The following STOX2 variants were observed in gnomAD, a reference collection of about 807,000 sequenced individuals.
The protein encoded by STOX2 is storkhead box 2, also known as storkhead-box protein 2.
Under a neutral mutation model 60.9 loss-of-function variants are expected in STOX2, and 28 were observed. That is an observed-to-expected ratio of 0.46 (90% CI 0.34 to 0.63). STOX2 has a LOEUF of 0.63. Ranked by LOEUF, STOX2 falls within the 30% of genes least tolerant of loss-of-function variation. The pLI is 0.01. For missense variants in STOX2, 1,024 were observed against 1,187.7 expected, an observed-to-expected ratio of 0.86 and a Z score of 2.03; for synonymous variants, 472 against 463.9, an observed-to-expected ratio of 1.02 and a Z score of -0.22.
chr4:183,902,918 G>C (rs1741493574), upstream of STOX2, among the ~76,000 whole-genome samples: 1 of 152,156 alleles, frequency 6.6e-6, no homozygotes, highest in African/African-American at 2.4e-5. Flanking sequence ...TGCAAGGTCT[G>C]CATTTGGAGG....
At chr4:183,900,491 G>T (rs551853367), upstream of STOX2, among the ~76,000 whole-genome samples, 30 of 152,248 alleles carry the variant, frequency 2.0e-4, no homozygotes, top group African/African-American at 7.2e-4. Flanking sequence ...ATTAACAGGA[G>T]TTTGGAAGAA....
chr4:183,873,695 A>G (rs1039341352), intron 1 of STOX2, among the ~76,000 whole-genome samples: 2 of 152,232 alleles, frequency 1.3e-5, no homozygotes, highest in African/African-American at 4.8e-5. Context: ...GCACATGAAC[A>G]TGCTTTGAGT....
intron 1 of STOX2, among the ~76,000 whole-genome samples, chr4:183,942,805 A>AT (rs1742788064): frequency 6.6e-6 from 1 of 152,070 alleles, no homozygotes; most frequent in Non-Finnish European, 1.5e-5. Flanking sequence ...TTAAAAAAAA[A>AT]CTTTTTTAAT....
intron 1 of STOX2, among the ~76,000 whole-genome samples, chr4:183,968,343 T>TACACACACACACACAC (rs60432446): frequency 5.5e-4 from 80 of 145,508 alleles, no homozygotes; most frequent in African/African-American, 1.9e-3. Context: ...TGCATATACC[T>TACACACACACACACAC]ACACACACAC....
intron 1 of STOX2, among the ~76,000 whole-genome samples, chr4:183,952,728 G>A (rs2111148804): frequency 6.6e-6 from 1 of 152,318 alleles, no homozygotes; most frequent in African/African-American, 2.4e-5. Context: ...TTTGGGAAAT[G>A]CTGAATTAAA....
chr4:183,937,897 T>G (rs1442962719), intron 1 of STOX2, among the ~76,000 whole-genome samples: 1 of 152,224 alleles, frequency 6.6e-6, no homozygotes, highest in Non-Finnish European at 1.5e-5. Context: ...CTGTAAATCC[T>G]AGTACTTTTG....
intron 1 of STOX2, among the ~76,000 whole-genome samples, chr4:183,799,574 A>AC (rs1738713259): frequency 6.6e-6 from 1 of 151,902 alleles, no homozygotes; most frequent in African/African-American, 2.4e-5. Flanking sequence ...ATTATATTGA[A>AC]CCCCCACCGT....
At chr4:183,840,348 A>C (rs563242000) in intron 1 of STOX2, among the ~76,000 whole-genome samples, 1 of 152,184 alleles carries the variant, frequency 6.6e-6, no homozygotes. Context: ...TCCATGTAAC[A>C]GTCAATTCCT....
intron 1 of STOX2, among the ~76,000 whole-genome samples, chr4:183,849,616 G>A (rs1254385500): frequency 6.6e-6 from 1 of 152,210 alleles, no homozygotes; most frequent in East Asian, 1.9e-4. Flanking sequence ...AGTACATAGG[G>A]CATCTAGGGA....
intron 1 of STOX2, among the ~76,000 whole-genome samples, chr4:183,938,861 G>A (rs914646256): frequency 1.3e-5 from 2 of 151,900 alleles, no homozygotes; most frequent in Non-Finnish European, 2.9e-5. Flanking sequence ...TGTAGCATCC[G>A]TTGCTACATT....
At position 183,961,356 on chromosome 4, in the gene STOX2, T is replaced by TTGCTGCTGCTGCTGCTGCTGCTGC. The variant is rs755147300; in HGVS notation, c.167-39962_167-39939dup. The stretch of plus-strand genomic sequence containing the variant: ...AAACACATCGAACGACAAGTGATGG[T>TTGCTGCTGCTGCTGCTGCTGCTGC]TGCTGCTGCTGCTGCTGCTGCTGCT... On this transcript the variant is annotated intron_variant, in intron 1 of 3. Coordinates refer to ENST00000308497, the MANE Select transcript of STOX2 (RefSeq NM_020225.3). 1.9e-3 allele frequency among the ~76,000 whole-genome samples: 284 copies of TTGCTGCTGCTGCTGCTGCTGCTGC among 151,708 alleles called. 1 individual carries two copies. Among genetic ancestry groups the TTGCTGCTGCTGCTGCTGCTGCTGC allele is most frequent in the African/African-American group, 6.3e-3 (262 of 41,312 alleles).
chr4:184,008,154 G>A lies in STOX2; in HGVS notation c.320-1004G>A, dbSNP rs75214824. Among the ~76,000 whole-genome samples, 1,374 of 152,280 alleles carry A rather than the reference G, an allele frequency of 9.0e-3. 5 individuals are homozygous for A. Among genetic ancestry groups the A allele is most frequent in the Non-Finnish European group, 0.013 (870 of 68,022 alleles). ...CAGTTTCACATGACTCAAGCTGACC[G>A]ATTTCAGGTCAGTCTTCTAAGTATT... On this transcript the variant is annotated intron_variant, in intron 2 of 3. Transcript: ENST00000308497.
At chr4:183,867,849 G>A (rs964035596) in intron 1 of STOX2, among the ~76,000 whole-genome samples, 4 of 152,234 alleles carry the variant, frequency 2.6e-5, no homozygotes, top group African/African-American at 7.2e-5. Context: ...AGACAGGAAT[G>A]CAATTCACTA....
Position 183,905,950 on chromosome 4 carries a change from C to T in STOX2, c.-841C>T, listed in dbSNP as rs1167298476. ...GGCACATGCGTGTCGGCGCACCCAC[C>T]CAGCCATCCACCCGCGCGCACGCAC... On this transcript the variant is annotated 5_prime_UTR_variant, in exon 1 of 4. Transcript: ENST00000308497. The T allele has an allele frequency of 1.3e-5, 2 of 152,302 alleles. No individual in the cohort carries two copies. The highest frequency in any genetic ancestry group is 1.5e-5 in the Non-Finnish European group (1 of 68,106). 9.4% of individuals were successfully genotyped at this position (152,302 alleles called of 1,614,324 possible). A position where few individuals can be genotyped will look rare whatever the true frequency, so the allele number is the denominator to read the frequency against.
chr4:183,929,907 A>G (rs574414352), intron 1 of STOX2, among the ~76,000 whole-genome samples: 2 of 152,124 alleles, frequency 1.3e-5, no homozygotes, highest in African/African-American at 4.8e-5. Context: ...TCTGTCGCCC[A>G]GGCTGGAGTG....
At chr4:183,839,013 ACG>A (rs576428266) in intron 1 of STOX2, among the ~76,000 whole-genome samples, 17 of 149,636 alleles carry the variant, frequency 1.1e-4, no homozygotes, top group East Asian at 9.7e-4. Context: ...GTACACGTGC[ACG>A]CGCGCGCGCA....
At chr4:183,893,056 T>A (rs2111185044) in intron 1 of STOX2, among the ~76,000 whole-genome samples, 1 of 152,002 alleles carries the variant, frequency 6.6e-6, no homozygotes, top group South Asian at 2.1e-4. Flanking sequence ...CGGAAACCAG[T>A]CTCTGAGATT....
upstream of STOX2, among the ~76,000 whole-genome samples, chr4:183,904,708 A>G (rs957230787): frequency 1.3e-5 from 2 of 152,224 alleles, no homozygotes; most frequent in African/African-American, 4.8e-5. Flanking sequence ...GATCTGAATG[A>G]GGAGAGCTCT....
intron 1 of STOX2, among the ~76,000 whole-genome samples, chr4:183,858,162 A>G (rs1740346965): frequency 6.6e-6 from 1 of 152,172 alleles, no homozygotes; most frequent in Admixed American, 6.5e-5. Flanking sequence ...GCACAGCCCC[A>G]TCCCTAAGCT....
Sources: allele counts gnomAD v4.1 joint callset (sites outside exome capture counted in the v4.1 genomes callset), GRCh38; gene constraint gnomAD v4.1.1; transcripts MANE v1.5; gene names NCBI Gene and HGNC (gene_info 2026-07-23, HGNC 2026-07-21).